The following DOCK4 variants were observed in gnomAD, a reference collection of about 807,000 sequenced individuals.
DOCK4 encodes dedicator of cytokinesis protein 4.
In DOCK4, 97 loss-of-function variants were observed where a neutral mutation model predicts 268.1. The ratio of observed to expected loss-of-function variants is 0.36; its 90% CI spans 0.31 to 0.43. The LOEUF is 0.43. DOCK4 is among the 20% of genes least tolerant of loss of function. The probability of loss-of-function intolerance (pLI) is 1.00; values close to 1 mark genes in which losing one functional copy is unlikely to be tolerated. For synonymous variants in DOCK4, 954 were observed against 887.2 expected (o/e 1.08, Z -1.34); for missense variants, 2,145 against 2,455.7 (o/e 0.87, Z 2.67).
intron 12 of DOCK4, among the ~76,000 whole-genome samples, chr7:111,934,523 GT>G (rs1183672033): frequency 0.012 from 976 of 83,820 alleles, 5 homozygotes; most frequent in African/African-American, 0.024. Flanking sequence ...TTTTGTTTTT[GT>G]TTTTTTTTTT....
Position 112,128,360 on chromosome 7 carries a change from G to A in DOCK4, c.37+77742C>T, listed in dbSNP as rs531608745. Among the ~76,000 whole-genome samples, 12 of 152,052 alleles carry A rather than the reference G, an allele frequency of 7.9e-5. 1 individual carries two copies. The highest frequency in any genetic ancestry group is 2.0e-4 in the Admixed American group (3 of 15,304). Reference sequence around the variant, plus strand: ...AGGTGAGGGGCGCCTCTGCCCGGCCGCCCCTACTGGGAAGTGAGGAGCCCC... The same window carrying A: ...AGGTGAGGGGCGCCTCTGCCCGGCCACCCCTACTGGGAAGTGAGGAGCCCC... On this transcript the variant is annotated intron_variant, in intron 1 of 52. Coordinates refer to ENST00000428084, the MANE Select transcript of DOCK4 (RefSeq NM_001363540.2).
chr7:111,832,885 TGAGAA>T (rs943236090), intron 26 of DOCK4, among the ~76,000 whole-genome samples: 11 of 152,222 alleles, frequency 7.2e-5, no homozygotes, highest in African/African-American at 2.4e-4. Flanking sequence ...CTGACTGAAA[TGAGAA>T]AAGTCCACAT....
rs940424322 is a variant in DOCK4, at chr7:111,746,222, G to A, written c.4677+112C>T. 1.3e-5 allele frequency: 10 copies of A among 765,448 alleles called. No homozygotes were observed. In the African/African-American group the frequency reaches 1.8e-4, roughly 14 times the overall value. The allele number at this position is 765,448 out of a possible 1,614,324, so 47.4% of individuals were successfully genotyped here. ...TATATTACAGGAATCTGTCACCCTTGCTTGCCAGCTTCTGTTAGACCACTG... is the reference window on the plus strand; with the variant it reads ...TATATTACAGGAATCTGTCACCCTTACTTGCCAGCTTCTGTTAGACCACTG... On this transcript the variant is annotated intron_variant, in intron 44 of 52. Transcript: ENST00000428084.
chr7:112,027,293 C>T (rs1417394947), intron 1 of DOCK4, among the ~76,000 whole-genome samples: 4 of 152,064 alleles, frequency 2.6e-5, no homozygotes, highest in East Asian at 1.9e-4. Flanking sequence ...GGTGCAATCT[C>T]GGCTCACTGC....
At chr7:111,909,157 A>G (rs1412420708) in intron 13 of DOCK4, among the ~76,000 whole-genome samples, 1 of 152,166 alleles carries the variant, frequency 6.6e-6, no homozygotes, top group East Asian at 1.9e-4. Context: ...CTATTTCTCC[A>G]CACCCTCACC....
intron 15 of DOCK4, among the ~76,000 whole-genome samples, chr7:111,899,138 A>G (rs902603589): frequency 6.6e-6 from 1 of 152,222 alleles, no homozygotes; most frequent in Non-Finnish European, 1.5e-5. Flanking sequence ...CTCTTCCTGC[A>G]TTCAGATACA....
At chr7:112,133,768 C>T (rs1184139066) in intron 1 of DOCK4, among the ~76,000 whole-genome samples, 2 of 152,104 alleles carry the variant, frequency 1.3e-5, no homozygotes, top group African/African-American at 4.8e-5. Context: ...AATAAAATGG[C>T]TCTTTGGATG....
intron 1 of DOCK4, among the ~76,000 whole-genome samples, chr7:112,115,045 T>C (rs1812002857): frequency 6.6e-6 from 1 of 152,184 alleles, no homozygotes; most frequent in Non-Finnish European, 1.5e-5. Context: ...GCAGACATTT[T>C]TATTTCTGGC....
chr7:111,974,934 G>A (rs964505590), intron 8 of DOCK4, among the ~76,000 whole-genome samples: 8 of 152,236 alleles, frequency 5.3e-5, no homozygotes, highest in South Asian at 2.1e-4. Context: ...ATGATAATGC[G>A]AAGTGGCAAA....
chr7:111,732,424 T>C, intron 51 of DOCK4, 137 bp from the exon 52 acceptor site: 2 of 794,012 alleles, frequency 2.5e-6, no homozygotes, highest in Non-Finnish European at 4.1e-6. Flanking sequence ...GTGGTGAGGA[T>C]GGGGGAGAAG....
chr7:112,198,283 C>G (rs955921003), intron 1 of DOCK4, among the ~76,000 whole-genome samples: 3 of 152,054 alleles, frequency 2.0e-5, no homozygotes, highest in African/African-American at 7.2e-5. Flanking sequence ...AGAAGATGTC[C>G]ACCTGCAAAC....
At chr7:111,995,108 T>C (rs1799830267) in intron 4 of DOCK4, among the ~76,000 whole-genome samples, 1 of 151,350 alleles carries the variant, frequency 6.6e-6, no homozygotes, top group African/African-American at 2.4e-5. Context: ...CTCGGCTCAC[T>C]GCAAGCTCCA....
At chr7:111,997,326 T>A (rs1315629149) in intron 4 of DOCK4, among the ~76,000 whole-genome samples, 1 of 152,222 alleles carries the variant, frequency 6.6e-6, no homozygotes, top group African/African-American at 2.4e-5. Context: ...AGAATTAGAA[T>A]TATGCTTTTA....
chr7:111,989,280 G>C, intron 5 of DOCK4, 117 bp from the exon 6 acceptor site: 2 of 1,358,980 alleles, frequency 1.5e-6, no homozygotes, highest in Non-Finnish European at 2.0e-6. Flanking sequence ...TTGCCACTCT[G>C]GACAGATGTC....
chr7:111,901,732 G>A lies in DOCK4; in HGVS notation c.1262C>T (p.Ala421Val). 1 of 1,612,834 alleles carries A rather than the reference G, an allele frequency of 6.2e-7. No individual in the cohort carries two copies. Among genetic ancestry groups the A allele is most frequent in the Non-Finnish European group, 8.5e-7 (1 of 1,179,238 alleles). Residue 421 changes from alanine to valine, a missense_variant, in exon 14 of 53, where the codon GCC becomes GTC. Physicochemically the swap from Ala to Val is moderately conservative, Grantham distance 64. Around this residue, in one of 2 missense-constraint regions of DOCK4, gnomAD observed 1,598 missense variants for 1,986.7 expected, o/e 0.80. Transcript: ENST00000428084. ...GEFEKGGKSV[A>V]RNVEVTMFIV... ...GAACATCGTAACTTCCACATTTCTG[G>A]CCACGCTCTTCCCTCCTTTCTCAAA...
intron 13 of DOCK4, among the ~76,000 whole-genome samples, chr7:111,910,447 C>G (rs1489730110): frequency 6.6e-6 from 1 of 152,214 alleles, no homozygotes; most frequent in African/African-American, 2.4e-5. Flanking sequence ...ACATGCTGTA[C>G]ATGTACGATA....
chr7:111,907,543 C>A (rs1791693961), intron 13 of DOCK4, among the ~76,000 whole-genome samples: 2 of 152,068 alleles, frequency 1.3e-5, no homozygotes, highest in Non-Finnish European at 2.9e-5. Context: ...TGGGATAAAA[C>A]TTCAGGGTGA....
intron 52 of DOCK4, among the ~76,000 whole-genome samples, chr7:111,729,223 G>C (rs934291314): frequency 1.3e-5 from 2 of 152,162 alleles, no homozygotes; most frequent in Non-Finnish European, 2.9e-5. Flanking sequence ...ACCAGTCCTC[G>C]AGTTCAGTTC....
chr7:111,919,021 C>CAATAG (rs2134562030), intron 12 of DOCK4, among the ~76,000 whole-genome samples: 1 of 152,014 alleles, frequency 6.6e-6, no homozygotes, highest in Admixed American at 6.5e-5. Context: ...ATGCTATTCA[C>CAATAG]AATAGAAGTT....
Sources: gnomAD v4.1 joint callset for allele counts (sites outside exome capture counted in the v4.1 genomes callset) on GRCh38, gnomAD v4.1.1 for gene constraint, gnomAD v4.1.1 regional missense constraint, MANE v1.5 for transcripts, NCBI Gene and HGNC (gene_info 2026-07-23, HGNC 2026-07-21) for gene names.